WDR88: variants seen among roughly 807,000 people sequenced by gnomAD.
WDR88 encodes WD repeat-containing protein 88.
A neutral mutation model predicts 46.8 loss-of-function variants in WDR88; 40 were observed. The observed-to-expected ratio is 0.86, with a 90% CI of 0.66 to 1.11. The LOEUF (loss-of-function observed/expected upper bound fraction) is 1.11, where lower values mean the gene tolerates loss of function less well. Among genes scored for constraint, WDR88 ranks in the 50% most tolerant of loss-of-function variants. The pLI is 0.00. For missense variants in WDR88, 562 were observed against 602.4 expected (o/e 0.93, Z 0.70); for synonymous variants, 235 against 240.7 (o/e 0.98, Z 0.22).
intron 3 of WDR88, among the ~76,000 whole-genome samples, chr19:33,145,449 C>T (rs1021738661): frequency 9.2e-5 from 14 of 152,034 alleles, no homozygotes; most frequent in Non-Finnish European, 1.6e-4. Flanking sequence ...TGTACCTGGC[C>T]TGTTTTGTTT....
chr19:33,153,687 G>T (rs1462644646), intron 6 of WDR88, among the ~76,000 whole-genome samples: 1 of 151,904 alleles, frequency 6.6e-6, no homozygotes, highest in African/African-American at 2.4e-5. Context: ...TAGAGACAGG[G>T]TTTCACCACA....
chr19:33,167,938 G>T (rs1016948786), intron 9 of WDR88, among the ~76,000 whole-genome samples: 3 of 151,610 alleles, frequency 2.0e-5, no homozygotes, highest in Non-Finnish European at 4.4e-5. Flanking sequence ...GGCTGGCCTT[G>T]AACTCCTGAC....
chr19:33,160,305 T>C, intron 7 of WDR88, 109 bp from the exon 8 acceptor site: 1 of 1,055,224 alleles, frequency 9.5e-7, no homozygotes, highest in African/African-American at 1.6e-5. Flanking sequence ...GTTTCAGTGT[T>C]GTCAGAGTGA....
At chr19:33,158,562 A>G (rs1007750392) in intron 7 of WDR88, among the ~76,000 whole-genome samples, 2 of 152,242 alleles carry the variant, frequency 1.3e-5, no homozygotes, top group African/African-American at 2.4e-5. Context: ...GGCACTTTCA[A>G]GGTCACTCAC....
rs751606015 is a variant in WDR88 at position 33,132,420 on chromosome 19, G to A, written c.251G>A (p.Trp84Ter). The stretch of plus-strand genomic sequence containing the variant: ...CACCAGGTGCCGGAGAAATTGATCT[G>A]GGGCGACCAGGACCCTCTCTCCAAG... ...EKHQVPEKLI[W>*]GDQDPLSKIP... Residue 84 changes from tryptophan to a stop codon, truncating the protein, a stop_gained, in exon 1 of 11, where the codon TGG becomes TAG. Transcript: ENST00000355868. LOFTEE classifies it high-confidence loss of function. 7 of 1,614,040 alleles carry A rather than the reference G, an allele frequency of 4.3e-6. No individual in the cohort carries two copies. Among genetic ancestry groups the A allele is most frequent in the Non-Finnish European group, 5.9e-6 (7 of 1,179,996 alleles).
intron 9 of WDR88, among the ~76,000 whole-genome samples, chr19:33,169,666 CAAAAAAAA>C (rs33941385): frequency 1.2e-5 from 1 of 81,748 alleles, no homozygotes; most frequent in Non-Finnish European, 2.5e-5. Flanking sequence ...GACCCAGTCT[CAAAAAAAA>C]AAAAAAAAAA....
At chr19:33,147,616 A>G in intron 3 of WDR88, 29 bp from the exon 4 acceptor site, 1 of 1,611,134 alleles carries the variant, frequency 6.2e-7, no homozygotes, top group African/African-American at 1.3e-5. Context: ...AAAAAGAACC[A>G]GTGTTCGTCA....
chr19:33,159,442 G>A (rs945240585), intron 7 of WDR88, among the ~76,000 whole-genome samples: 6 of 152,142 alleles, frequency 3.9e-5, no homozygotes, highest in Non-Finnish European at 5.9e-5. Flanking sequence ...TCCTAAGCGC[G>A]AGAGTGCTAT....
chr19:33,168,137 C>G (rs1372345972), intron 9 of WDR88, among the ~76,000 whole-genome samples: 1 of 151,970 alleles, frequency 6.6e-6, no homozygotes, highest in African/African-American at 2.4e-5. Context: ...AAGCAATTCT[C>G]CTGCTTCAGC....
At chr19:33,148,987 C>A in intron 5 of WDR88, 77 bp downstream of exon 5, 1 of 1,589,890 alleles carries the variant, frequency 6.3e-7, no homozygotes, top group Non-Finnish European at 8.6e-7. Flanking sequence ...GGTGACCTTC[C>A]ATTGCTTTAT....
Position 33,175,480 on chromosome 19 carries a change from G to C in WDR88, c.1327G>C (p.Asp443His), listed in dbSNP as rs151252826. The C allele has an allele frequency of 8.9e-5, 144 of 1,614,084 alleles. No individual in the cohort carries two copies. Among genetic ancestry groups the C allele is most frequent in the Non-Finnish European group, 1.1e-4 (131 of 1,180,056 alleles). The change falls in exon 11 of 11, where the codon GAT becomes CAT. Residue 443 changes from aspartate to histidine, a missense_variant. Transcript: ENST00000355868. ...MFTQCVFCRIDTRGLPADTSS... is the reference protein window; with the variant it reads ...MFTQCVFCRIHTRGLPADTSS... The stretch of plus-strand genomic sequence containing the variant: ...CACCCAATGCGTGTTCTGCCGGATA[G>C]ATACAAGGGGCTTGCCAGCAGATAC...
intron 1 of WDR88, among the ~76,000 whole-genome samples, chr19:33,135,056 T>A (rs963735895): frequency 5.6e-4 from 11 of 19,632 alleles, no homozygotes; most frequent in Non-Finnish European, 2.5e-3. Flanking sequence ...GGTGGGTGGG[T>A]GGGGGGGGTG....
intron 1 of WDR88, among the ~76,000 whole-genome samples, chr19:33,133,415 G>A (rs1296939080): frequency 6.6e-6 from 1 of 152,008 alleles, no homozygotes; most frequent in Non-Finnish European, 1.5e-5. Flanking sequence ...AGGCATGGTG[G>A]TGCGTGCCTG....
At chr19:33,149,015 G>A (rs1394481177) in intron 5 of WDR88, 105 bp downstream of exon 5, 10 of 1,519,434 alleles carry the variant, frequency 6.6e-6, no homozygotes, top group Non-Finnish European at 8.0e-6. Context: ...AACTGTAATG[G>A]TATGAAGCAC....
intron 1 of WDR88, among the ~76,000 whole-genome samples, chr19:33,133,220 GAA>G (rs1555723218): frequency 6.8e-6 from 1 of 146,912 alleles, no homozygotes; most frequent in South Asian, 2.2e-4. Context: ...GAGAAAGAAA[GAA>G]AGAAAAAGAA....
In WDR88 at chr19:33,164,217, G is replaced by C. The variant is rs1249763471; in HGVS notation, c.1101G>C (p.Met367Ile). ...TTCAGGGCCATAATGACTGGGTGAT[G>C]GATGTTGCCATTAGCAACAACAAGA... ...LSLKGHNDWVMDVAISNNKKW... is the reference protein window; with the variant it reads ...LSLKGHNDWVIDVAISNNKKW... Residue 367 changes from methionine (M) to isoleucine (I), a missense_variant, in exon 9 of 11, where the codon ATG becomes ATC. Physicochemically the swap from Met to Ile is conservative, Grantham distance 10. Coordinates refer to ENST00000355868, the MANE Select transcript of WDR88 (RefSeq NM_173479.4). 1 of 1,613,988 alleles carries C rather than the reference G, an allele frequency of 6.2e-7. No individual in the cohort carries two copies. Among genetic ancestry groups the C allele is most frequent in the Non-Finnish European group, 8.5e-7 (1 of 1,179,834 alleles).
intron 2 of WDR88, among the ~76,000 whole-genome samples, chr19:33,143,602 G>A (rs1973447336): frequency 6.8e-6 from 1 of 146,722 alleles, no homozygotes; most frequent in Admixed American, 6.9e-5. Context: ...CCGTGTTCTT[G>A]CCACTGCACT....
intron 1 of WDR88, among the ~76,000 whole-genome samples, chr19:33,135,893 TTTCTTTTA>T (rs1418418385): frequency 6.6e-6 from 1 of 151,218 alleles, no homozygotes; most frequent in Non-Finnish European, 1.5e-5. Context: ...CTTTCTTTCT[TTTCTTTTA>T]TTTTTTAAGA....
At chr19:33,161,450 G>A (rs11084710) in intron 8 of WDR88, among the ~76,000 whole-genome samples, 48,066 of 151,904 alleles carry the variant, frequency 0.32, 8,644 homozygotes, top group South Asian at 0.48. Context: ...CTGGTTTCAC[G>A]ATCTCACTGT....
Sources: gnomAD v4.1 joint callset for allele counts (sites outside exome capture counted in the v4.1 genomes callset) on GRCh38, gnomAD v4.1.1 for gene constraint, MANE v1.5 for transcripts, NCBI Gene and HGNC (gene_info 2026-07-23, HGNC 2026-07-21) for gene names.